The following GLB1 variants were observed in gnomAD, a reference collection of about 807,000 sequenced individuals.
GLB1 encodes galactosidase beta 1, also known as beta-galactosidase.
A neutral mutation model predicts 74.0 loss-of-function variants in GLB1; 56 were observed. The observed-to-expected ratio is 0.76, with a 90% confidence interval of 0.61 to 0.94. The LOEUF (loss-of-function observed/expected upper bound fraction) is 0.94. Among genes scored for constraint, GLB1 ranks in the 40% least tolerant of loss-of-function variants. GLB1 has a pLI of 0.00. For synonymous variants in GLB1, 323 were observed against 323.6 expected, an observed-to-expected ratio of 1.00 and a Z score of 0.02; for missense variants, 787 against 845.5, an observed-to-expected ratio of 0.93 and a Z score of 0.86.
intron 1 of GLB1, among the ~76,000 whole-genome samples, chr3:33,095,028 T>C (rs1317553545): frequency 6.6e-6 from 1 of 151,996 alleles, no homozygotes; most frequent in East Asian, 1.9e-4. Flanking sequence ...CTGGCCAACA[T>C]GGTAAAACCC....
At chr3:32,997,662 G>A (rs1248524121) in intron 15 of GLB1, among the ~76,000 whole-genome samples, 2 of 152,222 alleles carry the variant, frequency 1.3e-5, no homozygotes, top group African/African-American at 2.4e-5. Context: ...GTTGGTACCA[G>A]AGAACAGTGT....
At chr3:32,981,643 G>A in the GLB1 span, among the ~76,000 whole-genome samples, 2 of 151,522 alleles carry the variant, frequency 1.3e-5, no homozygotes, top group African/African-American at 2.4e-5. Context: ...GCGTCATGGC[G>A]CATGTGTGTA....
chr3:33,044,148 C>T (rs894291073), intron 10 of GLB1, among the ~76,000 whole-genome samples: 9 of 152,228 alleles, frequency 5.9e-5, no homozygotes, highest in East Asian at 1.9e-4. Flanking sequence ...TCTTTTTATG[C>T]GCACATTGAC....
rs754538192 is a variant in GLB1, at chr3:32,997,082, G to A, written c.1997C>T (p.Pro666Leu). Residue 666 changes from proline (P) to leucine (L), a missense_variant, in exon 16 of 16, where the codon CCG becomes CTG. Coordinates refer to ENST00000307363, the MANE Select transcript of GLB1 (RefSeq NM_000404.4). ...CAGCCATGAATCTTTGTTTTTTTGC[G>A]GGGGTGGGGGCATGAGTCTTTTTTC... is the stretch of plus-strand genomic sequence containing the variant. ...PVEKRLMPPPPQKNKDSWLDH... is the reference protein window; with the variant it reads ...PVEKRLMPPPLQKNKDSWLDH... 35 of 1,613,944 alleles carry A rather than the reference G, an allele frequency of 2.2e-5. No individual in the cohort carries two copies. Among genetic ancestry groups the A allele is most frequent in the East Asian group, 4.5e-5 (2 of 44,892 alleles).
chr3:33,015,301 C>T lies in GLB1; in HGVS notation c.1480-991G>A, dbSNP rs551213060. Among the ~76,000 whole-genome samples the T allele has an allele frequency of 1.3e-3, 196 of 152,254 alleles. 1 individual carries two copies. The highest frequency in any genetic ancestry group is 4.4e-3 in the African/African-American group (183 of 41,530). ...AGCCATCATCACAGGGAGGACCACA[C>T]CCGAGTCACTCACCTGTTATGAGGG... On this transcript the variant is annotated intron_variant, in intron 14 of 15. Transcript: ENST00000307363.
intron 15 of GLB1, among the ~76,000 whole-genome samples, chr3:33,005,689 T>A (rs1696758429): frequency 6.6e-6 from 1 of 152,004 alleles, no homozygotes; most frequent in Non-Finnish European, 1.5e-5. Flanking sequence ...AGAGATGAGG[T>A]CTTATTAAGT....
chr3:33,005,818 A>C (rs1696766488), intron 15 of GLB1, among the ~76,000 whole-genome samples: 1 of 152,216 alleles, frequency 6.6e-6, no homozygotes, highest in South Asian at 2.1e-4. Flanking sequence ...AGCAAGATGC[A>C]ACAAACAGTT....
At chr3:32,982,438 C>G in the GLB1 span, among the ~76,000 whole-genome samples, 1 of 151,102 alleles carries the variant, frequency 6.6e-6, no homozygotes, top group Non-Finnish European at 1.5e-5. Context: ...TAAAATTAAC[C>G]AACTACCTTT....
chr3:33,081,263 G>C (rs749743199), intron 1 of GLB1, among the ~76,000 whole-genome samples: 3 of 152,176 alleles, frequency 2.0e-5, no homozygotes, highest in African/African-American at 7.2e-5. Context: ...GGGGTCACTG[G>C]GAATGGATCT....
intron 15 of GLB1, among the ~76,000 whole-genome samples, chr3:33,001,683 C>A (rs1250114011): frequency 6.6e-6 from 1 of 152,188 alleles, no homozygotes. Flanking sequence ...AGATTCTCCG[C>A]ACGCAGGAGA....
intron 5 of GLB1, among the ~76,000 whole-genome samples, chr3:33,059,264 C>T (rs200113686): frequency 0.11 from 13,077 of 115,004 alleles, 1,579 homozygotes; most frequent in East Asian, 0.64. Flanking sequence ...CACACACACA[C>T]ACACACACAC....
Position 33,093,692 on chromosome 3 carries a change from C to T in GLB1, c.75+3319G>A. 4 of 1,614,178 alleles carry T rather than the reference C, an allele frequency of 2.5e-6. No homozygotes were observed. The highest frequency in any genetic ancestry group is 3.4e-6 in the Non-Finnish European group (4 of 1,180,036). Reference sequence around the variant, plus strand: ...TGAGCACAGCAGTCACTCCCACTGCCAGGGCAGGCCTGAGCACGAGCTTCC... The same window carrying T: ...TGAGCACAGCAGTCACTCCCACTGCTAGGGCAGGCCTGAGCACGAGCTTCC... On this transcript the variant is annotated intron_variant, in intron 1 of 15. Coordinates refer to ENST00000307363, the MANE Select transcript of GLB1 (RefSeq NM_000404.4). The surrounding 1 kb of genome is among the most constrained non-coding windows in gnomAD (Gnocchi z 6.0).
chr3:33,026,184 C>A (rs73826343), intron 10 of GLB1, among the ~76,000 whole-genome samples: 14,762 of 152,240 alleles, frequency 0.097, 895 homozygotes, highest in East Asian at 0.23. Flanking sequence ...GAAGGTCCCC[C>A]TCCCCCAAAA....
intron 1 of GLB1, among the ~76,000 whole-genome samples, chr3:33,084,847 A>AT (rs1335743156): frequency 6.6e-6 from 1 of 152,248 alleles, no homozygotes; most frequent in Non-Finnish European, 1.5e-5. Flanking sequence ...AGGGAAAAAA[A>AT]CAAAAGCAAA....
In GLB1 at chr3:33,026,458, G is replaced by A. The variant is rs115435731; in HGVS notation, c.1069-2133C>T. On this transcript the variant is annotated intron_variant, in intron 10 of 15. Transcript: ENST00000307363. ...GGCGTCCCTTGGCACAAACAGCCCG[G>A]GCGCCATGAATGGTGGCAGAAGGTA... Among the ~76,000 whole-genome samples, 1,513 of 152,308 alleles carry A rather than the reference G, an allele frequency of 9.9e-3. 34 individuals are homozygous for A. The highest frequency in any genetic ancestry group is 0.034 in the African/African-American group (1,427 of 41,576).
rs185960717 is a variant in GLB1, at chr3:33,033,456, G to A, written c.1069-9131C>T. ...TAGAGGAAAAGATTACAAACATTGTGGCCATCTGAAGAGGCAAACATTGTT... is the reference window on the plus strand; with the variant it reads ...TAGAGGAAAAGATTACAAACATTGTAGCCATCTGAAGAGGCAAACATTGTT... On this transcript the variant is annotated intron_variant, in intron 10 of 15. Coordinates refer to ENST00000307363, the MANE Select transcript of GLB1 (RefSeq NM_000404.4). 3.3e-5 allele frequency among the ~76,000 whole-genome samples: 5 copies of A among 152,244 alleles called. No individual in the cohort carries two copies. The East Asian group carries it at 7.7e-4, about 24-fold the overall frequency.
At chr3:33,011,687 C>T (rs1482152681) in intron 15 of GLB1, among the ~76,000 whole-genome samples, 1 of 146,274 alleles carries the variant, frequency 6.8e-6, no homozygotes, top group Non-Finnish European at 1.5e-5. Flanking sequence ...AATGAAAATA[C>T]ATTTCAATAA....
At position 33,046,098 on chromosome 3, in the gene GLB1, A is replaced by G; in HGVS notation, c.1068+22T>C. ...AGGCTCTGTCCAAGATCAGCCCACCACAGCTCATACAAAGCACCCACCTTC... is the reference window on the plus strand; with the variant it reads ...AGGCTCTGTCCAAGATCAGCCCACCGCAGCTCATACAAAGCACCCACCTTC... On this transcript the variant is annotated intron_variant, in intron 10 of 15. Transcript: ENST00000307363. 3 of 1,610,662 alleles carry G rather than the reference A, an allele frequency of 1.9e-6. No individual in the cohort carries two copies. The South Asian group carries it at 3.3e-5, about 18-fold the overall frequency.
intron 15 of GLB1, among the ~76,000 whole-genome samples, chr3:33,008,095 A>T (rs35879433): frequency 0.13 from 19,970 of 152,200 alleles, 1,389 homozygotes; most frequent in Non-Finnish European, 0.16. Context: ...CTTGCGTGTG[A>T]CACCTTTAAG....
Sources: gnomAD v4.1 joint callset for allele counts (sites outside exome capture counted in the v4.1 genomes callset) on GRCh38, gnomAD v4.1.1 for gene constraint, Gnocchi (gnomAD v3.1) non-coding constraint, MANE v1.5 for transcripts, NCBI Gene and HGNC (gene_info 2026-07-23, HGNC 2026-07-21) for gene names.